Variants in ZBTB20 observed in about 807,000 individuals in gnomAD.
ZBTB20 encodes the protein zinc finger and BTB domain-containing protein 20.
Under a neutral mutation model 56.9 loss-of-function variants are expected in ZBTB20, and 9 were observed. That is an observed-to-expected ratio of 0.16 (90% CI 0.10 to 0.28). ZBTB20 has a LOEUF of 0.28. Ranked by LOEUF, ZBTB20 falls within the 10% of genes least tolerant of loss-of-function variation. The probability of loss-of-function intolerance (pLI) is 1.00; values close to 1 mark genes in which losing one functional copy is unlikely to be tolerated. For missense variants in ZBTB20, 655 were observed against 1,003.0 expected (o/e 0.65, Z 4.69); for synonymous variants, 417 against 420.7 (o/e 0.99, Z 0.11).
chr3:115,050,107 T>A (rs1446370786), intron 2 of ZBTB20, among the ~76,000 whole-genome samples: 1 of 152,032 alleles, frequency 6.6e-6, no homozygotes, highest in East Asian at 1.9e-4. Context: ...AAATTTTAAG[T>A]GACAGTATCA....
At chr3:114,644,041 A>C (rs1221357812) in intron 6 of ZBTB20, among the ~76,000 whole-genome samples, 1 of 152,078 alleles carries the variant, frequency 6.6e-6, no homozygotes, top group Non-Finnish European at 1.5e-5. Context: ...AATGAACAAT[A>C]AAAAACCTTA....
At chr3:114,466,040 C>T (rs868112947) in intron 7 of ZBTB20, among the ~76,000 whole-genome samples, 2 of 151,920 alleles carry the variant, frequency 1.3e-5, no homozygotes, top group Non-Finnish European at 2.9e-5. Context: ...AGGAAACTCA[C>T]ATCTGGAGTA....
At chr3:114,703,437 G>A (rs2063516837) in intron 5 of ZBTB20, among the ~76,000 whole-genome samples, 1 of 152,080 alleles carries the variant, frequency 6.6e-6, no homozygotes, top group South Asian at 2.1e-4. Flanking sequence ...CCTACAACAA[G>A]CTGAAGGGGA....
chr3:114,344,410 A>G (rs1687203034), intron 11 of ZBTB20, among the ~76,000 whole-genome samples: 1 of 152,174 alleles, frequency 6.6e-6, no homozygotes, highest in South Asian at 2.1e-4. Flanking sequence ...TACTAGCCCA[A>G]CCAGATTATC....
intron 6 of ZBTB20, among the ~76,000 whole-genome samples, chr3:114,604,832 T>C (rs1179110012): frequency 6.6e-6 from 1 of 152,100 alleles, no homozygotes; most frequent in Non-Finnish European, 1.5e-5. Flanking sequence ...ATGACATTAG[T>C]GTTGCAGCTG....
intron 4 of ZBTB20, among the ~76,000 whole-genome samples, chr3:114,844,795 C>A (rs1056080374): frequency 6.7e-6 from 1 of 148,748 alleles, no homozygotes; most frequent in Non-Finnish European, 1.5e-5. Flanking sequence ...AATTTGCCTT[C>A]TTCTAACAAT....
intron 6 of ZBTB20, among the ~76,000 whole-genome samples, chr3:114,555,823 A>T (rs1027633381): frequency 1.3e-5 from 2 of 152,066 alleles, no homozygotes; most frequent in Non-Finnish European, 2.9e-5. Context: ...TTTACCCTTT[A>T]TACAATAAAG....
chr3:114,602,265 A>T (rs1022042006), intron 6 of ZBTB20, among the ~76,000 whole-genome samples: 2 of 152,046 alleles, frequency 1.3e-5, no homozygotes, highest in Non-Finnish European at 2.9e-5. Flanking sequence ...CACATGTGAG[A>T]TGTCTGTAGA....
In ZBTB20 at chr3:114,316,246, T is replaced by G. The variant is rs1270456083; in HGVS notation, c.*22759A>C. ...GGATCAAGATGGTTTCGCCCATTTT[T>G]CCTTTTTCACTAACACTGTTCCTTT... On this transcript the variant is annotated 3_prime_UTR_variant, in exon 12 of 12. Transcript: ENST00000675478. 6.3e-6 allele frequency: 2 copies of G among 316,702 alleles called. No individual in the cohort carries two copies. Among genetic ancestry groups the G allele is most frequent in the Non-Finnish European group, 1.2e-5 (2 of 169,400 alleles). 19.6% of individuals were successfully genotyped at this position (316,702 alleles called of 1,614,324 possible).
intron 5 of ZBTB20, among the ~76,000 whole-genome samples, chr3:114,702,739 T>C (rs2063471942): frequency 6.6e-6 from 1 of 151,642 alleles, no homozygotes; most frequent in South Asian, 2.1e-4. Flanking sequence ...AGTGATTATT[T>C]TTCTAAAATC....
chr3:114,491,072 A>C (rs965080350), intron 7 of ZBTB20, among the ~76,000 whole-genome samples: 2 of 152,200 alleles, frequency 1.3e-5, no homozygotes, highest in Non-Finnish European at 2.9e-5. Flanking sequence ...TTCTGTACCA[A>C]ACACAGTGCC....
At chr3:114,723,280 C>T (rs924345454) in intron 5 of ZBTB20, among the ~76,000 whole-genome samples, 4 of 152,044 alleles carry the variant, frequency 2.6e-5, no homozygotes, top group African/African-American at 9.7e-5. Flanking sequence ...CAGCATTTTA[C>T]AAATGGTTTT....
chr3:114,392,673 A>C (rs1449898034), intron 7 of ZBTB20, among the ~76,000 whole-genome samples: 2 of 152,224 alleles, frequency 1.3e-5, no homozygotes, highest in Non-Finnish European at 2.9e-5. Context: ...AGGTTTGTTT[A>C]AATGTTTACT....
intron 2 of ZBTB20, among the ~76,000 whole-genome samples, chr3:115,052,352 G>A (rs1259721605): frequency 6.6e-6 from 1 of 151,952 alleles, no homozygotes; most frequent in Non-Finnish European, 1.5e-5. Context: ...AGCTACTCGG[G>A]AGGCTGAGGC....
intron 6 of ZBTB20, chr3:114,687,871 A>T (rs1364522427): frequency 6.6e-6 from 1 of 152,162 alleles, no homozygotes; most frequent in East Asian, 1.9e-4. Context: ...AAAGTTCTTA[A>T]AAGTAGTTTC....
At chr3:114,648,555 CAAT>C (rs763966400) in intron 6 of ZBTB20, among the ~76,000 whole-genome samples, 24 of 151,780 alleles carry the variant, frequency 1.6e-4, no homozygotes, top group Non-Finnish European at 2.8e-4. Context: ...GTGCTATCTG[CAAT>C]AATAATATTA....
intron 5 of ZBTB20, among the ~76,000 whole-genome samples, chr3:114,790,670 T>C (rs1233454191): frequency 6.6e-6 from 1 of 151,914 alleles, no homozygotes; most frequent in East Asian, 1.9e-4. Flanking sequence ...ACTGAAGACC[T>C]ATCTGGTACC....
chr3:115,029,434 A>T (rs1028531003), intron 2 of ZBTB20, among the ~76,000 whole-genome samples: 1 of 150,798 alleles, frequency 6.6e-6, no homozygotes, highest in Non-Finnish European at 1.5e-5. Flanking sequence ...TAAAATGAAA[A>T]ATACTAAAAA....
chr3:114,380,547 G>A, intron 9 of ZBTB20, 143 bp from the exon 10 acceptor site: 2 of 1,243,384 alleles, frequency 1.6e-6, no homozygotes, highest in South Asian at 1.6e-5. Flanking sequence ...TTTAAAACAA[G>A]CTGATTCTTG....
Sources: allele counts gnomAD v4.1 joint callset (sites outside exome capture counted in the v4.1 genomes callset), GRCh38; gene constraint gnomAD v4.1.1; transcripts MANE v1.5; gene names NCBI Gene and HGNC (gene_info 2026-07-23, HGNC 2026-07-21).